Variants in MYMX observed in about 807,000 individuals in gnomAD.
The protein encoded by MYMX is myomixer, myoblast fusion factor.
the MYMX span, among the ~76,000 whole-genome samples, chr6:44,205,902 C>A: frequency 1.4e-5 from 2 of 143,906 alleles, no homozygotes; most frequent in African/African-American, 5.1e-5. Context: ...ATCACTTGAG[C>A]CTGGGAGGCA....
At chr6:44,209,434 T>G in the MYMX span, among the ~76,000 whole-genome samples, 1 of 152,152 alleles carries the variant, frequency 6.6e-6, no homozygotes, top group South Asian at 2.1e-4. Context: ...TGTATTTAAC[T>G]TGTAGGTTTT....
chr6:44,209,940 TA>T, the MYMX span: 19 of 147,176 alleles, frequency 1.3e-4, no homozygotes, highest in African/African-American at 4.7e-4. Context: ...TATATATATA[TA>T]TTTTATTATT....
At chr6:44,205,764 G>C in the MYMX span, among the ~76,000 whole-genome samples, 1 of 151,654 alleles carries the variant, frequency 6.6e-6, no homozygotes, top group Non-Finnish European at 1.5e-5. Context: ...AGCTGAGATC[G>C]CTCCACTTCA....
At chr6:44,201,208 C>G in the MYMX span, among the ~76,000 whole-genome samples, 1 of 152,204 alleles carries the variant, frequency 6.6e-6, no homozygotes, top group Non-Finnish European at 1.5e-5. Flanking sequence ...GCCCTAGCTC[C>G]TCACTCAGGT....
At chr6:44,216,615 G>A (rs1775876994), upstream of MYMX, among the ~76,000 whole-genome samples, 1 of 139,262 alleles carries the variant, frequency 7.2e-6, no homozygotes, top group Non-Finnish European at 1.5e-5. Flanking sequence ...TCCTGCCATT[G>A]CACTCTAGCC....
At chr6:44,204,318 T>C in the MYMX span, among the ~76,000 whole-genome samples, 1 of 152,070 alleles carries the variant, frequency 6.6e-6, no homozygotes, top group Non-Finnish European at 1.5e-5. Context: ...GGTTGGGTAA[T>C]ATTTGAGCAA....
chr6:44,194,391 G>A, the MYMX span, among the ~76,000 whole-genome samples: 1 of 152,224 alleles, frequency 6.6e-6, no homozygotes, highest in African/African-American at 2.4e-5. Flanking sequence ...GAGCAGAGGA[G>A]AGTGATAAGC....
chr6:44,207,618 C>T, the MYMX span, among the ~76,000 whole-genome samples: 125 of 152,016 alleles, frequency 8.2e-4, 1 homozygote, highest in African/African-American at 2.9e-3. Context: ...CTGTAACCTC[C>T]ACCTCCCGGG....
At chr6:44,209,156 G>A in the MYMX span, among the ~76,000 whole-genome samples, 1 of 152,146 alleles carries the variant, frequency 6.6e-6, no homozygotes, top group African/African-American at 2.4e-5. Flanking sequence ...TAGAGAGAGG[G>A]TTTGGTTATG....
At chr6:44,196,056 C>A in the MYMX span, among the ~76,000 whole-genome samples, 2 of 152,170 alleles carry the variant, frequency 1.3e-5, no homozygotes. Context: ...GATTCCCCTG[C>A]CTCAGCCTCC....
chr6:44,206,734 G>C, the MYMX span, among the ~76,000 whole-genome samples: 1 of 151,984 alleles, frequency 6.6e-6, no homozygotes, highest in Non-Finnish European at 1.5e-5. Context: ...GAGAATCATG[G>C]AATGAGGGTC....
At chr6:44,194,362 C>T in the MYMX span, among the ~76,000 whole-genome samples, 2 of 152,186 alleles carry the variant, frequency 1.3e-5, no homozygotes, top group Non-Finnish European at 2.9e-5. Context: ...TGGGCAGGGG[C>T]ATCCACTGGA....
upstream of MYMX, among the ~76,000 whole-genome samples, chr6:44,213,453 G>A (rs1243232363): frequency 1.4e-5 from 2 of 142,336 alleles, no homozygotes; most frequent in African/African-American, 3.0e-5. Context: ...ACGGAGTCTC[G>A]CTCTGTCACC....
the MYMX span, among the ~76,000 whole-genome samples, chr6:44,202,357 A>G: frequency 6.6e-6 from 1 of 151,994 alleles, no homozygotes; most frequent in East Asian, 1.9e-4. Flanking sequence ...AGTGGACCAC[A>G]AAGGCAGATC....
At chr6:44,213,111 C>T (rs936014959), upstream of MYMX, among the ~76,000 whole-genome samples, 2 of 152,210 alleles carry the variant, frequency 1.3e-5, no homozygotes, top group Admixed American at 6.5e-5. Flanking sequence ...GCTGGCTGTG[C>T]GCCGTGGCTC....
chr6:44,211,448 G>C, the MYMX span, among the ~76,000 whole-genome samples: 1 of 152,138 alleles, frequency 6.6e-6, no homozygotes, highest in Admixed American at 6.6e-5. Flanking sequence ...CAGAATGAAA[G>C]AAGGAAATGG....
the MYMX span, among the ~76,000 whole-genome samples, chr6:44,193,941 G>A: frequency 5.3e-5 from 8 of 151,994 alleles, no homozygotes; most frequent in African/African-American, 1.9e-4. Flanking sequence ...CTGAGATCGT[G>A]CCCTTGCACT....
At chr6:44,204,414 A>G in the MYMX span, among the ~76,000 whole-genome samples, 36 of 152,312 alleles carry the variant, frequency 2.4e-4, no homozygotes, top group African/African-American at 6.3e-4. Context: ...GTAGGGGCTC[A>G]GGACATACCA....
chr6:44,212,206 G>A (rs956283307), upstream of MYMX, among the ~76,000 whole-genome samples: 1 of 151,904 alleles, frequency 6.6e-6, no homozygotes, highest in Non-Finnish European at 1.5e-5. Flanking sequence ...AGGGGTTCAA[G>A]ACCAGCCTGG....
Sources: gnomAD v4.1 joint callset for allele counts (sites outside exome capture counted in the v4.1 genomes callset) on GRCh38, gnomAD v4.1.1 for gene constraint, MANE v1.5 for transcripts, NCBI Gene and HGNC (gene_info 2026-07-23, HGNC 2026-07-21) for gene names.